The following ACER3 variants were observed in gnomAD, a reference collection of about 807,000 sequenced individuals.
ACER3 encodes alkaline ceramidase 3.
In ACER3, 16 loss-of-function variants were observed where a neutral mutation model predicts 48.9. That is an observed-to-expected ratio of 0.33 (90% CI 0.22 to 0.50). The LOEUF (loss-of-function observed/expected upper bound fraction) is 0.50. Ranked by LOEUF, ACER3 falls within the 20% of genes least tolerant of loss-of-function variation. The pLI, the probability that ACER3 is intolerant of heterozygous loss-of-function variation, is 0.98. For missense variants in ACER3, 227 were observed against 326.0 expected, an observed-to-expected ratio of 0.70 and a Z score of 2.34; for synonymous variants, 109 against 107.8, an observed-to-expected ratio of 1.01 and a Z score of -0.07.
chr11:77,014,238 AC>A (rs1305706820), intron 7 of ACER3, among the ~76,000 whole-genome samples: 1 of 152,240 alleles, frequency 6.6e-6, no homozygotes, highest in African/African-American at 2.4e-5. Context: ...TACCTGCCTC[AC>A]AGGGATTTTT....
chr11:76,916,465 GA>G (rs2134756021), intron 1 of ACER3, among the ~76,000 whole-genome samples: 1 of 152,244 alleles, frequency 6.6e-6, no homozygotes, highest in Non-Finnish European at 1.5e-5. Context: ...CAGTTGATCA[GA>G]TTTAGTGAAA....
At chr11:76,994,803 A>G (rs7925652) in intron 6 of ACER3, among the ~76,000 whole-genome samples, 108,157 of 152,042 alleles carry the variant, frequency 0.71, 38,867 homozygotes, top group Non-Finnish European at 0.77. Context: ...GGCCCTAGCT[A>G]TAGGAGATGG....
rs567430233 is a variant in ACER3, at chr11:76,929,447, C to T, written c.214+2780C>T. 3.9e-5 allele frequency among the ~76,000 whole-genome samples: 6 copies of T among 152,284 alleles called. No homozygotes were observed. In the South Asian group the frequency reaches 1.2e-3, roughly 32 times the overall value. Reference sequence around the variant, plus strand: ...CTTCCTCTTTTATTAATTGAATACGCTTTATTTCTTTCTCCTGCCTGATTG... The same window carrying T: ...CTTCCTCTTTTATTAATTGAATACGTTTTATTTCTTTCTCCTGCCTGATTG... On this transcript the variant is annotated intron_variant, in intron 2 of 10. Coordinates refer to ENST00000532485, the MANE Select transcript of ACER3 (RefSeq NM_018367.7).
intron 7 of ACER3, 133 bp from the exon 8 acceptor site, chr11:77,014,883 C>T (rs1436994959): frequency 1.1e-5 from 7 of 651,810 alleles, no homozygotes; most frequent in Non-Finnish European, 1.9e-5. Flanking sequence ...TGTGAATAGC[C>T]ACTGCACTCC....
At chr11:76,869,976 C>T (rs1945200349) in intron 1 of ACER3, among the ~76,000 whole-genome samples, 1 of 151,956 alleles carries the variant, frequency 6.6e-6, no homozygotes, top group Non-Finnish European at 1.5e-5. Flanking sequence ...ATCCTCCCAC[C>T]TCAGCCTTCC....
chr11:76,995,305 C>A (rs774604382), intron 6 of ACER3, among the ~76,000 whole-genome samples: 1 of 152,058 alleles, frequency 6.6e-6, no homozygotes, highest in African/African-American at 2.4e-5. Context: ...ATACTAGTAC[C>A]CCAGCTATCT....
At chr11:76,968,276 C>T (rs1332241441) in intron 3 of ACER3, among the ~76,000 whole-genome samples, 2 of 150,658 alleles carry the variant, frequency 1.3e-5, no homozygotes, top group Admixed American at 6.6e-5. Flanking sequence ...CAAACCACTG[C>T]TCAAGGAAAT....
intron 7 of ACER3, among the ~76,000 whole-genome samples, chr11:77,006,907 C>G (rs1226159955): frequency 4.0e-5 from 6 of 151,886 alleles, no homozygotes; most frequent in Non-Finnish European, 8.8e-5. Context: ...GCCAGGAGTT[C>G]AAGACCAGAC....
intron 1 of ACER3, among the ~76,000 whole-genome samples, chr11:76,887,689 A>G (rs985004083): frequency 2.6e-5 from 4 of 152,112 alleles, no homozygotes; most frequent in Admixed American, 6.6e-5. Context: ...AAGGGTACAT[A>G]TGAGTTTTTA....
intron 1 of ACER3, among the ~76,000 whole-genome samples, chr11:76,900,629 G>A (rs1479623364): frequency 6.6e-6 from 1 of 152,048 alleles, no homozygotes; most frequent in African/African-American, 2.4e-5. Flanking sequence ...AGACCAGCCT[G>A]GACAACATAG....
chr11:77,026,005 G>A lies in ACER3; in HGVS notation c.*5678G>A, dbSNP rs1241823869. ...TTACATGACCTAATTATTTTTTCACGTCAGTTTTTCTAGATTGGCAATAGC... is the reference window on the plus strand; with the variant it reads ...TTACATGACCTAATTATTTTTTCACATCAGTTTTTCTAGATTGGCAATAGC... On this transcript the variant is annotated 3_prime_UTR_variant, in exon 11 of 11. Transcript: ENST00000532485. The A allele has an allele frequency of 1.3e-5, 2 of 152,176 alleles. No individual in the cohort carries two copies. Among genetic ancestry groups the A allele is most frequent in the East Asian group, 1.9e-4 (1 of 5,180 alleles). 9.4% of individuals were successfully genotyped at this position (152,176 alleles called of 1,614,324 possible).
intron 1 of ACER3, among the ~76,000 whole-genome samples, chr11:76,912,487 C>CT (rs1419172459): frequency 6.6e-6 from 1 of 152,018 alleles, no homozygotes; most frequent in Admixed American, 6.6e-5. Flanking sequence ...AATAACATAA[C>CT]TATCTGCCAA....
intron 2 of ACER3, among the ~76,000 whole-genome samples, chr11:76,930,737 A>C (rs1044422043): frequency 1.1e-4 from 16 of 152,100 alleles, no homozygotes; most frequent in African/African-American, 3.6e-4. Context: ...GTAGTCATTC[A>C]GGAGTAGGTT....
chr11:76,872,059 C>A (rs1356629924), intron 1 of ACER3, among the ~76,000 whole-genome samples: 4 of 119,304 alleles, frequency 3.4e-5, no homozygotes, highest in Admixed American at 1.1e-4. Context: ...CCAACTTTAC[C>A]CCCCAAACCC....
At chr11:76,941,449 G>T (rs1947340842) in intron 2 of ACER3, among the ~76,000 whole-genome samples, 1 of 152,034 alleles carries the variant, frequency 6.6e-6, no homozygotes, top group South Asian at 2.1e-4. Context: ...CTAGCATGGG[G>T]AGACAGAAAT....
At chr11:76,870,936 G>A (rs1945226393) in intron 1 of ACER3, among the ~76,000 whole-genome samples, 2 of 152,256 alleles carry the variant, frequency 1.3e-5, no homozygotes, top group Middle Eastern at 3.4e-3. Flanking sequence ...ACATTTATGG[G>A]GTTTAATGTA....
At chr11:76,862,931 C>CAAGGTTTTGGATTCAAATCAA (rs149708988) in intron 1 of ACER3, among the ~76,000 whole-genome samples, 87,087 of 151,676 alleles carry the variant, frequency 0.57, 28,237 homozygotes, top group Non-Finnish European at 0.74. Flanking sequence ...AGTTTAGAAC[C>CAAGGTTTTGGATTCAAATCAA]AAGAAAAAAC....
chr11:76,913,099 G>A (rs1331409298), intron 1 of ACER3, among the ~76,000 whole-genome samples: 2 of 152,098 alleles, frequency 1.3e-5, no homozygotes, highest in Non-Finnish European at 2.9e-5. Context: ...CTTGTAAGTT[G>A]GATTCTTAGG....
chr11:77,016,132 T>G (rs61902063), intron 8 of ACER3, among the ~76,000 whole-genome samples: 1 of 151,036 alleles, frequency 6.6e-6, no homozygotes. Context: ...AAAAAAAATT[T>G]GCAGAGGCAG....
Sources: gnomAD v4.1 joint callset for allele counts (sites outside exome capture counted in the v4.1 genomes callset) on GRCh38, gnomAD v4.1.1 for gene constraint, MANE v1.5 for transcripts, NCBI Gene and HGNC (gene_info 2026-07-23, HGNC 2026-07-21) for gene names.